The following FASTKD1 variants were observed in gnomAD, a reference collection of about 807,000 sequenced individuals.
FASTKD1 encodes the protein FAST kinase domains 1.
A neutral mutation model predicts 90.9 loss-of-function variants in FASTKD1; 94 were observed. The observed-to-expected ratio is 1.03, with a 90% CI of 0.88 to 1.23. The LOEUF (loss-of-function observed/expected upper bound fraction) is 1.23. Among genes scored for constraint, FASTKD1 ranks in the 50% most tolerant of loss-of-function variants. The pLI, the probability that FASTKD1 is intolerant of heterozygous loss-of-function variation, is 0.00. For missense variants in FASTKD1, 945 were observed against 993.5 expected, an observed-to-expected ratio of 0.95 and a Z score of 0.66; for synonymous variants, 319 against 345.8, an observed-to-expected ratio of 0.92 and a Z score of 0.86.
In FASTKD1 at chr2:169,572,009, G is replaced by A. The variant is rs570528550; in HGVS notation, c.21C>T (p.Phe7=). 2.5e-6 allele frequency: 4 copies of A among 1,572,214 alleles called. No homozygotes were observed. Among genetic ancestry groups the A allele is most frequent in the East Asian group, 2.3e-5 (1 of 44,238 alleles). The change falls in exon 2 of 15, where the codon TTC becomes TTT. Residue 7 remains phenylalanine (F), a synonymous_variant. Transcript: ENST00000453153. MKKTPV[F]LESLVTNMLR... ...GCATATTTGTAACCAATGACTCTAGGAAAACAGGTGTTTTTTTCATTTATA... is the reference window on the plus strand; with the variant it reads ...GCATATTTGTAACCAATGACTCTAGAAAAACAGGTGTTTTTTTCATTTATA...
intron 9 of FASTKD1, among the ~76,000 whole-genome samples, chr2:169,542,140 T>C (rs1684983735): frequency 6.6e-6 from 1 of 152,198 alleles, no homozygotes. Flanking sequence ...AAGGTACTTA[T>C]CACCATCTGA....
At chr2:169,545,447 A>G (rs1685149296) in intron 8 of FASTKD1, among the ~76,000 whole-genome samples, 1 of 152,238 alleles carries the variant, frequency 6.6e-6, no homozygotes, top group South Asian at 2.1e-4. Context: ...CAGGCACTAT[A>G]CTAAGCAAGT....
chr2:169,552,652 A>G (rs1413007597), intron 7 of FASTKD1, among the ~76,000 whole-genome samples: 1 of 152,150 alleles, frequency 6.6e-6, no homozygotes, highest in Non-Finnish European at 1.5e-5. Context: ...AGGGGAAAAT[A>G]AAAAATTGTA....
intron 7 of FASTKD1, 71 bp from the exon 8 acceptor site, chr2:169,546,775 CAT>C (rs112759243): frequency 2.2e-6 from 3 of 1,380,298 alleles, no homozygotes; most frequent in African/African-American, 1.5e-5. Flanking sequence ...AATATGAATA[CAT>C]ATGAGTACAA....
chr2:169,539,206 A>G lies in FASTKD1; in HGVS notation c.1945+845T>C, dbSNP rs6711695. ...TCAATCACTTGAAATGGGAAGGTGG[A>G]GGTTGCAGTGAGCTAAGATTGAGCC... On this transcript the variant is annotated intron_variant, in intron 10 of 14. Transcript: ENST00000453153. 5.8e-3 allele frequency among the ~76,000 whole-genome samples: 878 copies of G among 151,906 alleles called. 7 individuals are homozygous for G. Among genetic ancestry groups the G allele is most frequent in the African/African-American group, 0.02 (837 of 41,434 alleles).
At chr2:169,540,241 T>G in intron 9 of FASTKD1, 62 bp from the exon 10 acceptor site, 2 of 1,392,544 alleles carry the variant, frequency 1.4e-6, no homozygotes, top group South Asian at 3.1e-5. Context: ...ACACTTATAA[T>G]TTATTCAGGC....
At position 169,563,516 on chromosome 2, in the gene FASTKD1, T is replaced by C. The variant is rs545427431; in HGVS notation, c.447-166A>G. ...ACATGGCAACAGTTAAAAAGTCAGATACTGTAGAAAGGTTTTGAAAGGGGG... is the reference window on the plus strand; with the variant it reads ...ACATGGCAACAGTTAAAAAGTCAGACACTGTAGAAAGGTTTTGAAAGGGGG... On this transcript the variant is annotated intron_variant, in intron 3 of 14. Coordinates refer to ENST00000453153, the MANE Select transcript of FASTKD1 (RefSeq NM_024622.6). The C allele has an allele frequency of 1.0e-3, 384 of 383,672 alleles. 5 individuals are homozygous for C. The South Asian group carries it at 0.02, about 20-fold the overall frequency. 23.8% of individuals were successfully genotyped at this position (383,672 alleles called of 1,614,324 possible).
At chr2:169,546,800 A>G (rs1685228593) in intron 7 of FASTKD1, 96 bp from the exon 8 acceptor site, 3 of 1,231,912 alleles carry the variant, frequency 2.4e-6, no homozygotes, top group African/African-American at 3.1e-5. Flanking sequence ...AATAGGTAAG[A>G]TGATGATTCA....
At chr2:169,532,369 C>A (rs1187668947) in intron 12 of FASTKD1, among the ~76,000 whole-genome samples, 1 of 150,588 alleles carries the variant, frequency 6.6e-6, no homozygotes, top group African/African-American at 2.4e-5. Flanking sequence ...CATGCTTGTG[C>A]CACTGCACCT....
rs1222940268 is a variant in FASTKD1 at position 169,557,197 on chromosome 2, G to C, written c.1072C>G (p.Leu358Val). The stretch of plus-strand genomic sequence containing the variant: ...TTTCAGAAAAGATACCTTTTAATCA[G>C]ACATGAGTTTCTGCTTTCCATATCT... ...MGDMESRNSC[L>V]IKRVTSVLHK... The change falls in exon 6 of 15, where the codon CTG (leucine) becomes GTG (valine). Residue 358 changes from leucine to valine, a missense_variant. Leu to Val is a conservative substitution (Grantham distance 32). Coordinates refer to ENST00000453153, the MANE Select transcript of FASTKD1 (RefSeq NM_024622.6). 6.2e-7 allele frequency: 1 copy of C among 1,603,048 alleles called. No homozygotes were observed. The highest frequency in any genetic ancestry group is 2.2e-5 in the East Asian group (1 of 44,758).
intron 7 of FASTKD1, among the ~76,000 whole-genome samples, chr2:169,549,630 A>C (rs1315304478): frequency 6.6e-6 from 1 of 151,482 alleles, no homozygotes; most frequent in Non-Finnish European, 1.5e-5. Context: ...ACGCCCAGCT[A>C]ATTTTTTGTT....
intron 12 of FASTKD1, among the ~76,000 whole-genome samples, chr2:169,535,998 G>T (rs1684708468): frequency 6.6e-6 from 1 of 150,488 alleles, no homozygotes; most frequent in Non-Finnish European, 1.5e-5. Context: ...TTATTGGGCT[G>T]GGCACAGTGG....
Position 169,540,162 on chromosome 2 carries a change from TA to T in FASTKD1, c.1833del (p.Phe611LeufsTer3). 6.3e-7 allele frequency: 1 copy of T among 1,585,678 alleles called. No individual in the cohort carries two copies. Among genetic ancestry groups the T allele is most frequent in the South Asian group, 1.1e-5 (1 of 88,480 alleles). Reference sequence around the variant, plus strand: ...AAAGAGAAACCAAGAAACACTAATATAAAAGGATCCAATATACCTAAAAGAA... The same window carrying T: ...AAAGAGAAACCAAGAAACACTAATATAAAGGATCCAATATACCTAAAAGAA... ...LNSYLGILDPFILVFLGFSLA... is the reference protein window; with the variant it reads ...LNSYLGILDPXILVFLGFSLA... On this transcript the variant is annotated frameshift_variant, in exon 10 of 15. Coordinates refer to ENST00000453153, the MANE Select transcript of FASTKD1 (RefSeq NM_024622.6). LOFTEE classifies it high-confidence loss of function.
chr2:169,555,486 T>A (rs1683258480), intron 6 of FASTKD1, among the ~76,000 whole-genome samples: 1 of 152,202 alleles, frequency 6.6e-6, no homozygotes, highest in South Asian at 2.1e-4. Flanking sequence ...CACTTATCAA[T>A]AGTACAAGAA....
At chr2:169,561,685 C>T (rs1027965313) in intron 4 of FASTKD1, among the ~76,000 whole-genome samples, 3 of 146,902 alleles carry the variant, frequency 2.0e-5, no homozygotes, top group South Asian at 2.1e-4. Flanking sequence ...ATAAATTAAT[C>T]CATTATAAAT....
chr2:169,540,727 G>C (rs1404831400), intron 9 of FASTKD1, among the ~76,000 whole-genome samples: 1 of 152,126 alleles, frequency 6.6e-6, no homozygotes, highest in African/African-American at 2.4e-5. Context: ...TAAATGACTT[G>C]CCCAAGATCA....
At chr2:169,563,667 T>C (rs960188810) in intron 3 of FASTKD1, among the ~76,000 whole-genome samples, 1 of 152,128 alleles carries the variant, frequency 6.6e-6, no homozygotes, top group Non-Finnish European at 1.5e-5. Flanking sequence ...ATTTTTTTAA[T>C]AGGAGAAATA....
In FASTKD1 at chr2:169,546,286, T is replaced by C; in HGVS notation, c.1633A>G (p.Ser545Gly). Reference sequence around the variant, plus strand: ...AGCAAAGTACTGAGGTAATCAGTACTAGAAATAAAAGATGCAATCTCCCCA... The same window carrying C: ...AGCAAAGTACTGAGGTAATCAGTACCAGAAATAAAAGATGCAATCTCCCCA... ...NVGEIASFIS[S>G]TDYLSTLLLD... The change falls in exon 8 of 15, where the codon AGT becomes GGT. Residue 545 changes from serine to glycine, a missense_variant. Physicochemically the swap from Ser to Gly is moderately conservative, Grantham distance 56. Coordinates refer to ENST00000453153, the MANE Select transcript of FASTKD1 (RefSeq NM_024622.6). The C allele has an allele frequency of 1.9e-6, 3 of 1,613,716 alleles. No individual in the cohort carries two copies. Among genetic ancestry groups the C allele is most frequent in the African/African-American group, 1.3e-5 (1 of 75,010 alleles).
chr2:169,546,337 T>C lies in FASTKD1; in HGVS notation c.1582A>G (p.Met528Val), dbSNP rs757484417. The C allele has an allele frequency of 2.5e-6, 4 of 1,613,958 alleles. No individual in the cohort carries two copies. In the Admixed American group the frequency reaches 5.0e-5, roughly 20 times the overall value. Residue 528 changes from methionine (M) to valine (V), a missense_variant, in exon 8 of 15, where the codon ATG (methionine) becomes GTG (valine). Physicochemically the swap from Met to Val is conservative, Grantham distance 21. Coordinates refer to ENST00000453153, the MANE Select transcript of FASTKD1 (RefSeq NM_024622.6). ...ACATTTATGTAATTAATATCATCCA[T>C]GAAATGCTGTAAAGTAGCAATCATT... ...EEMIATLQHF[M>V]DDINYINVGE...
Sources: allele counts gnomAD v4.1 joint callset (sites outside exome capture counted in the v4.1 genomes callset), GRCh38; gene constraint gnomAD v4.1.1; transcripts MANE v1.5; gene names NCBI Gene and HGNC (gene_info 2026-07-23, HGNC 2026-07-21).